The following CFAP20DC variants were observed in gnomAD, a reference collection of about 807,000 sequenced individuals.
The protein encoded by CFAP20DC is protein CFAP20DC.
A neutral mutation model predicts 101.7 loss-of-function variants in CFAP20DC; 84 were observed. That is an observed-to-expected ratio of 0.83 (90% CI 0.69 to 0.99). The LOEUF (loss-of-function observed/expected upper bound fraction) is 0.99, where lower values mean the gene tolerates loss of function less well. CFAP20DC is among the 50% of genes least tolerant of loss of function. CFAP20DC has a pLI of 0.00. For missense variants in CFAP20DC, 1,007 were observed against 970.3 expected (o/e 1.04, Z -0.50); for synonymous variants, 359 against 351.2 (o/e 1.02, Z -0.25).
In CFAP20DC at chr3:58,912,533, C is replaced by A. The variant is rs2084258295; in HGVS notation, c.550+1175G>T. On this transcript the variant is annotated intron_variant, in intron 6 of 16. Transcript: ENST00000482387. This position sits in a 1 kb window ranked among gnomAD's most constrained non-coding sequence, Gnocchi z 4.4. ...GCACACACCCAGATGGAGCACAAATCTGAAGTCTAGATAGAAACTTCTAAG... is the reference window on the plus strand; with the variant it reads ...GCACACACCCAGATGGAGCACAAATATGAAGTCTAGATAGAAACTTCTAAG... The A allele has an allele frequency of 3.0e-6, 1 of 332,406 alleles. No homozygotes were observed. The highest frequency in any genetic ancestry group is 4.1e-5 in the Admixed American group (1 of 24,492). The allele number at this position is 332,406 out of a possible 1,614,324, so 20.6% of individuals were successfully genotyped here. A position where few individuals can be genotyped will look rare whatever the true frequency, so the allele number is the denominator to read the frequency against.
At chr3:58,766,761 G>T (rs1023133579) in intron 15 of CFAP20DC, among the ~76,000 whole-genome samples, 1 of 152,180 alleles carries the variant, frequency 6.6e-6, no homozygotes, top group Non-Finnish European at 1.5e-5. Flanking sequence ...CCTAGAGTGT[G>T]CCATGCTCCC....
chr3:59,048,902 T>C (rs1013601156), intron 1 of CFAP20DC, among the ~76,000 whole-genome samples: 2 of 152,156 alleles, frequency 1.3e-5, no homozygotes, highest in African/African-American at 4.8e-5. Flanking sequence ...CGAGACACTC[T>C]AGGATACTCA....
intron 14 of CFAP20DC, among the ~76,000 whole-genome samples, chr3:58,807,107 T>C (rs1448504117): frequency 1.3e-5 from 2 of 152,192 alleles, no homozygotes; most frequent in Non-Finnish European, 2.9e-5. Context: ...CAAGGAGGCC[T>C]GCCTGCCTCT....
intron 15 of CFAP20DC, among the ~76,000 whole-genome samples, chr3:58,774,411 G>T (rs545522546): frequency 2.0e-5 from 3 of 152,288 alleles, no homozygotes; most frequent in East Asian, 3.9e-4. Flanking sequence ...GACCGTAGGC[G>T]TGAACATTTC....
At chr3:58,950,658 G>C (rs979945470) in intron 4 of CFAP20DC, among the ~76,000 whole-genome samples, 1 of 152,044 alleles carries the variant, frequency 6.6e-6, no homozygotes, top group African/African-American at 2.4e-5. Context: ...CAAGAAATAG[G>C]GAAACGATTC....
intron 15 of CFAP20DC, among the ~76,000 whole-genome samples, chr3:58,805,265 C>G (rs1217030732): frequency 6.6e-6 from 1 of 152,172 alleles, no homozygotes; most frequent in Non-Finnish European, 1.5e-5. Flanking sequence ...GCAGAGAAAG[C>G]TGGTCCTTAG....
Position 58,873,337 on chromosome 3 carries a change from T to C in CFAP20DC, c.716-3028A>G, listed in dbSNP as rs565789689. 1.5e-4 allele frequency among the ~76,000 whole-genome samples: 22 copies of C among 150,014 alleles called. No homozygotes were observed. The East Asian group carries it at 3.8e-3, about 26-fold the overall frequency. On this transcript the variant is annotated intron_variant, in intron 7 of 16. Coordinates refer to ENST00000482387, the MANE Select transcript of CFAP20DC (RefSeq NM_001394063.1). ...GCAGGTGCTCAAGCAGAAGTCTGGA[T>C]AGCTATGCTGGATGCTGTAAGGCAG...
chr3:58,877,722 C>T (rs950498257), intron 7 of CFAP20DC, among the ~76,000 whole-genome samples: 1 of 152,154 alleles, frequency 6.6e-6, no homozygotes, highest in Admixed American at 6.5e-5. Flanking sequence ...CCAATTCTTC[C>T]ACTTACTTCC....
At chr3:58,917,258 T>C (rs1330288810) in intron 5 of CFAP20DC, among the ~76,000 whole-genome samples, 2 of 152,140 alleles carry the variant, frequency 1.3e-5, no homozygotes, top group Non-Finnish European at 2.9e-5. Context: ...GGCTTTATTA[T>C]ACTGTTGAAA....
intron 14 of CFAP20DC, among the ~76,000 whole-genome samples, chr3:58,821,531 A>C (rs1275749956): frequency 2.6e-5 from 4 of 151,334 alleles, no homozygotes; most frequent in South Asian, 4.2e-4. Context: ...GCAGCCAAAA[A>C]ACACATGAAA....
At chr3:58,847,945 C>G (rs1489669015) in intron 13 of CFAP20DC, among the ~76,000 whole-genome samples, 1 of 123,052 alleles carries the variant, frequency 8.1e-6, no homozygotes, top group South Asian at 3.1e-4. Context: ...CATATTCTCA[C>G]TCATAGGTGG....
At chr3:58,781,212 G>A (rs2071796215) in intron 15 of CFAP20DC, among the ~76,000 whole-genome samples, 1 of 151,560 alleles carries the variant, frequency 6.6e-6, no homozygotes, top group Admixed American at 6.6e-5. Context: ...AAAAGTTACA[G>A]AGGAAATAAA....
chr3:58,956,728 A>C (rs1364103997), intron 4 of CFAP20DC, among the ~76,000 whole-genome samples: 2 of 152,208 alleles, frequency 1.3e-5, no homozygotes, highest in Non-Finnish European at 2.9e-5. Context: ...TTTATACAGG[A>C]AAGAGGTTTA....
At chr3:58,937,824 A>T in intron 4 of CFAP20DC, 62 bp from the exon 5 acceptor site, 1 of 883,596 alleles carries the variant, frequency 1.1e-6, no homozygotes, top group Non-Finnish European at 1.8e-6. Context: ...ACTTCTTTGG[A>T]TAATCATCAA....
intron 5 of CFAP20DC, among the ~76,000 whole-genome samples, chr3:58,935,601 G>A (rs973273449): frequency 4.4e-4 from 67 of 152,200 alleles, no homozygotes; most frequent in African/African-American, 1.5e-3. Context: ...ATAGAACAGA[G>A]CCCTCAGAAA....
At chr3:58,750,529 C>T (rs962240747) in intron 16 of CFAP20DC, among the ~76,000 whole-genome samples, 1 of 152,178 alleles carries the variant, frequency 6.6e-6, no homozygotes, top group Non-Finnish European at 1.5e-5. Flanking sequence ...GTGGGCGATA[C>T]CTTTCCCTGT....
chr3:58,841,993 G>A (rs1027271437), intron 13 of CFAP20DC, among the ~76,000 whole-genome samples: 1 of 152,190 alleles, frequency 6.6e-6, no homozygotes, highest in Admixed American at 6.5e-5. Flanking sequence ...CTACATGGTT[G>A]CAATATTACC....
At chr3:58,994,363 A>G (rs1472747249) in intron 4 of CFAP20DC, among the ~76,000 whole-genome samples, 5 of 152,168 alleles carry the variant, frequency 3.3e-5, no homozygotes, top group South Asian at 2.1e-4. Flanking sequence ...TGATGGCTGG[A>G]TAAGTGGGGC....
At chr3:58,834,130 C>T (rs1461787587) in intron 13 of CFAP20DC, among the ~76,000 whole-genome samples, 1 of 152,098 alleles carries the variant, frequency 6.6e-6, no homozygotes, top group African/African-American at 2.4e-5. Context: ...ATGATGGTTA[C>T]AGAATCTTGT....
Sources: allele counts gnomAD v4.1 joint callset (sites outside exome capture counted in the v4.1 genomes callset), GRCh38; gene constraint gnomAD v4.1.1; non-coding constraint Gnocchi (gnomAD v3.1); transcripts MANE v1.5; gene names NCBI Gene and HGNC (gene_info 2026-07-23, HGNC 2026-07-21).